Variants in TRIM59 observed in about 807,000 individuals in gnomAD.
TRIM59 encodes tripartite motif-containing protein 59.
TRIM59 carries 14 observed loss-of-function variants against 32.2 expected under a neutral mutation model. The ratio of observed to expected loss-of-function variants is 0.43; its 90% CI spans 0.29 to 0.68. The LOEUF (loss-of-function observed/expected upper bound fraction) is 0.68. Ranked by LOEUF, TRIM59 falls within the 30% of genes least tolerant of loss-of-function variation. The pLI, the probability that TRIM59 is intolerant of heterozygous loss-of-function variation, is 0.15. For synonymous variants in TRIM59, 163 were observed against 155.1 expected, an observed-to-expected ratio of 1.05 and a Z score of -0.38; for missense variants, 471 against 463.3, an observed-to-expected ratio of 1.02 and a Z score of -0.15.
chr3:160,436,389 G>C lies in TRIM59; in HGVS notation c.*1583C>G, dbSNP rs1245058467. The C allele has an allele frequency of 1.0e-6, 1 of 986,124 alleles. No homozygotes were observed. The allele number at this position is 986,124 out of a possible 1,614,324, so 61.1% of individuals were successfully genotyped here. On this transcript the variant is annotated 3_prime_UTR_variant, in exon 3 of 3. Transcript: ENST00000309784. ...TGGAAAGCAAATCAACCTGCACTTAGAGTTGCATGGACAGTGGGCCAAAAG... is the reference window on the plus strand; with the variant it reads ...TGGAAAGCAAATCAACCTGCACTTACAGTTGCATGGACAGTGGGCCAAAAG...
Position 160,437,977 on chromosome 3 carries a change from G to T in TRIM59, c.1207C>A (p.His403Asn). 1 of 1,538,484 alleles carries T rather than the reference G, an allele frequency of 6.5e-7. No homozygotes were observed. Among genetic ancestry groups the T allele is most frequent in the South Asian group, 1.3e-5 (1 of 76,260 alleles). The change falls in exon 3 of 3, where the codon CAT (histidine) becomes AAT (asparagine). Residue 403 changes from histidine (H) to asparagine (N), a missense_variant. Physicochemically the swap from His to Asn is moderately conservative, Grantham distance 68. Coordinates refer to ENST00000309784, the MANE Select transcript of TRIM59 (RefSeq NM_173084.3). ...LKEFVWKIVS[H>N] ...AACAATTCAGGTTGACATTTTCAAT[G>T]GGAAACTATTTTCCACACAAATTCC...
intron 2 of TRIM59, among the ~76,000 whole-genome samples, chr3:160,446,058 C>A (rs536696430): frequency 3.3e-5 from 5 of 152,106 alleles, no homozygotes; most frequent in East Asian, 1.9e-4. Flanking sequence ...ATCCTTCCCC[C>A]CTCAGCCTCC....
Position 160,439,105 on chromosome 3 carries a change from G to A in TRIM59, c.79C>T (p.His27Tyr). 1 of 1,547,610 alleles carries A rather than the reference G, an allele frequency of 6.5e-7. No homozygotes were observed. The change falls in exon 3 of 3, where the codon CAT becomes TAT. Residue 27 changes from histidine to tyrosine, a missense_variant. Coordinates refer to ENST00000309784, the MANE Select transcript of TRIM59 (RefSeq NM_173084.3). ...FEDPRVLPCS[H>Y]TFCRNCLENI... ...TCCAAACAATTTCTACAAAATGTAT[G>A]AGAGCATGGCAGTACACGAGGATCT... is the stretch of plus-strand genomic sequence containing the variant.
chr3:160,441,872 C>CA (rs1719272775), intron 2 of TRIM59, among the ~76,000 whole-genome samples: 1 of 152,026 alleles, frequency 6.6e-6, no homozygotes, highest in Non-Finnish European at 1.5e-5. Flanking sequence ...GTAGAGCATT[C>CA]CAGCAAATTA....
In TRIM59 at chr3:160,442,516, C is replaced by T. The variant is rs1374136229; in HGVS notation, c.-3-3330G>A. ...TGAGGCATGAAATGGCGCAACTGCA[C>T]TCCAGCCAGGGCAACAGAGCAAGAC... On this transcript the variant is annotated intron_variant, in intron 2 of 2. Coordinates refer to ENST00000309784, the MANE Select transcript of TRIM59 (RefSeq NM_173084.3). 2.6e-5 allele frequency among the ~76,000 whole-genome samples: 4 copies of T among 151,132 alleles called. No homozygotes were observed. The East Asian group carries it at 7.8e-4, about 29-fold the overall frequency.
At chr3:160,443,670 G>A (rs1229386608) in intron 2 of TRIM59, among the ~76,000 whole-genome samples, 2 of 151,616 alleles carry the variant, frequency 1.3e-5, no homozygotes, top group African/African-American at 4.9e-5. Flanking sequence ...ACAGAGTCTC[G>A]CTCTGTCGCC....
chr3:160,435,928 A>C lies in TRIM59; in HGVS notation c.*2044T>G, dbSNP rs894281939. ...GGGGTTAAAAATATTCACATCACAG[A>C]AATGAGATTAAGTAGTTTAACACAT... On this transcript the variant is annotated 3_prime_UTR_variant, in exon 3 of 3. Transcript: ENST00000309784. 2 of 1,283,406 alleles carry C rather than the reference A, an allele frequency of 1.6e-6. No homozygotes were observed. The highest frequency in any genetic ancestry group is 3.0e-5 in the African/African-American group (2 of 65,700). 79.5% of individuals were successfully genotyped at this position (1,283,406 alleles called of 1,614,324 possible). A position where few individuals can be genotyped will look rare whatever the true frequency, so the allele number is the denominator to read the frequency against.
rs1718921580 is a variant in TRIM59, at chr3:160,435,990, C to T, written c.*1982G>A. ...TTTCATTGCTTACGTGTTTTTGAAA[C>T]TACAGGGCACTTTTATGGTGTGACT... On this transcript the variant is annotated 3_prime_UTR_variant, in exon 3 of 3. Transcript: ENST00000309784. 13 of 1,261,140 alleles carry T rather than the reference C, an allele frequency of 1.0e-5. No homozygotes were observed. The highest frequency in any genetic ancestry group is 1.2e-5 in the Non-Finnish European group (12 of 976,660). The allele number at this position is 1,261,140 out of a possible 1,614,324, so 78.1% of individuals were successfully genotyped here.
rs1719023755 is a variant in TRIM59, at chr3:160,437,222, GGTGT to G, written c.*746_*749del. The G allele has an allele frequency of 7.3e-6, 4 of 544,478 alleles. No individual in the cohort carries two copies. Among genetic ancestry groups the G allele is most frequent in the Non-Finnish European group, 9.4e-6 (4 of 427,788 alleles). 33.7% of individuals were successfully genotyped at this position (544,478 alleles called of 1,614,324 possible). On this transcript the variant is annotated 3_prime_UTR_variant, in exon 3 of 3. Transcript: ENST00000309784. ...ATTTTTTTAATTAGCCAGGCATGGGGGTGTGTGCCTTGTCCCAGCTGCTCCAGAG... is the reference window on the plus strand; with the variant it reads ...ATTTTTTTAATTAGCCAGGCATGGGGGTGCCTTGTCCCAGCTGCTCCAGAG...
chr3:160,438,090 G>C lies in TRIM59; in HGVS notation c.1094C>G (p.Ser365Cys). 6.2e-7 allele frequency: 1 copy of C among 1,612,684 alleles called. No individual in the cohort carries two copies. Among genetic ancestry groups the C allele is most frequent in the Non-Finnish European group, 8.5e-7 (1 of 1,179,606 alleles). The change falls in exon 3 of 3, where the codon TCT (serine) becomes TGT (cysteine). Residue 365 changes from serine to cysteine, a missense_variant. Coordinates refer to ENST00000309784, the MANE Select transcript of TRIM59 (RefSeq NM_173084.3). ...TTGGTAAACAGATAGAGAGGCTTCA[G>C]AAAACCATATTAAAGTGATTTCACT... is the stretch of plus-strand genomic sequence containing the variant. ...FLSEITLIWF[S>C]EASLSVYQSL...
chr3:160,438,716 G>C lies in TRIM59; in HGVS notation c.468C>G (p.His156Gln), dbSNP rs375510406. 1 of 1,614,004 alleles carries C rather than the reference G, an allele frequency of 6.2e-7. No individual in the cohort carries two copies. The highest frequency in any genetic ancestry group is 8.5e-7 in the Non-Finnish European group (1 of 1,179,986). ...QKLLEQLTDT[H>Q]WTDLTHLIEK... ...CAATAAGATGGGTAAGATCTGTCCA[G>C]TGTGTGTCAGTCAACTGTTCAAGCA... Residue 156 changes from histidine (H) to glutamine (Q), a missense_variant, in exon 3 of 3, where the codon CAC (histidine) becomes CAG (glutamine). Coordinates refer to ENST00000309784, the MANE Select transcript of TRIM59 (RefSeq NM_173084.3).
intron 2 of TRIM59, among the ~76,000 whole-genome samples, chr3:160,443,625 G>A (rs1719369498): frequency 6.6e-6 from 1 of 151,972 alleles, no homozygotes; most frequent in African/African-American, 2.4e-5. Flanking sequence ...AGAAGAGGAA[G>A]AAAGATCCAA....
At position 160,438,594 on chromosome 3, in the gene TRIM59, T is replaced by C. The variant is rs1719095102; in HGVS notation, c.590A>G (p.Glu197Gly). 1 of 1,612,310 alleles carries C rather than the reference T, an allele frequency of 6.2e-7. No homozygotes were observed. The highest frequency in any genetic ancestry group is 1.3e-5 in the African/African-American group (1 of 74,706). The change falls in exon 3 of 3, where the codon GAA becomes GGA. Residue 197 changes from glutamate (E) to glycine (G), a missense_variant. Coordinates refer to ENST00000309784, the MANE Select transcript of TRIM59 (RefSeq NM_173084.3). The stretch of plus-strand genomic sequence containing the variant: ...CGTTAGGAAACTTTTTTTTTTCTGT[T>C]CTAATGTATCATTAAGCTCCTTAAA... ...QYFKELNDTL[E>G]QKKKSFLTAL...
chr3:160,439,616 G>T (rs1169860946), intron 2 of TRIM59, among the ~76,000 whole-genome samples: 1 of 152,024 alleles, frequency 6.6e-6, no homozygotes, highest in East Asian at 1.9e-4. Flanking sequence ...GTAGTATCAC[G>T]AGATCTGATG....
At position 160,436,332 on chromosome 3, in the gene TRIM59, C is replaced by G. The variant is rs577650384; in HGVS notation, c.*1640G>C. On this transcript the variant is annotated 3_prime_UTR_variant, in exon 3 of 3. Coordinates refer to ENST00000309784, the MANE Select transcript of TRIM59 (RefSeq NM_173084.3). ...TTGATTTGATATAGGTAAGGCTCTT[C>G]GGTGATCCAAGAGCAGCCCCTTTGG... is the stretch of plus-strand genomic sequence containing the variant. 1.0e-6 allele frequency: 1 copy of G among 986,178 alleles called. No individual in the cohort carries two copies. Among genetic ancestry groups the G allele is most frequent in the Non-Finnish European group, 1.2e-6 (1 of 830,222 alleles). The allele number at this position is 986,178 out of a possible 1,614,324, so 61.1% of individuals were successfully genotyped here. A position where few individuals can be genotyped will look rare whatever the true frequency, so the allele number is the denominator to read the frequency against.
intron 2 of TRIM59, among the ~76,000 whole-genome samples, chr3:160,440,790 A>T (rs932594563): frequency 1.3e-5 from 2 of 152,174 alleles, no homozygotes; most frequent in African/African-American, 4.8e-5. Context: ...AAATGCGTGT[A>T]ATCCCAGCTA....
chr3:160,438,374 AG>A lies in TRIM59; in HGVS notation c.809del (p.Pro270LeufsTer12). 6.2e-7 allele frequency: 1 copy of A among 1,613,744 alleles called. No homozygotes were observed. Among genetic ancestry groups the A allele is most frequent in the Non-Finnish European group, 8.5e-7 (1 of 1,179,952 alleles). On this transcript the variant is annotated frameshift_variant, in exon 3 of 3. Transcript: ENST00000309784. LOFTEE classifies it high-confidence loss of function. ...HVQILKQRPL[P>X]EVQPVEIYPR... Reference sequence around the variant, plus strand: ...GATAAATTTCAACGGGTTGAACCTCAGGAAGTGGTCTTTGTTTCAAGATCTG... The same window carrying A: ...GATAAATTTCAACGGGTTGAACCTCAGAAGTGGTCTTTGTTTCAAGATCTG...
Position 160,438,183 on chromosome 3 carries a change from A to G in TRIM59, c.1001T>C (p.Val334Ala). The G allele has an allele frequency of 1.2e-6, 2 of 1,613,080 alleles. No individual in the cohort carries two copies. The highest frequency in any genetic ancestry group is 1.1e-5 in the South Asian group (1 of 90,834). ...CAGTATTACTGAAATTAATGTAACTACAACAATGTTTAAAATTTTTAAAAA... is the reference window on the plus strand; with the variant it reads ...CAGTATTACTGAAATTAATGTAACTGCAACAATGTTTAAAATTTTTAAAAA... ...VEFLKILNIV[V>A]VTLISVILMS... Residue 334 changes from valine to alanine, a missense_variant, in exon 3 of 3, where the codon GTA becomes GCA. Transcript: ENST00000309784.
intron 2 of TRIM59, among the ~76,000 whole-genome samples, chr3:160,444,222 A>G (rs990440044): frequency 6.6e-6 from 1 of 152,198 alleles, no homozygotes; most frequent in Non-Finnish European, 1.5e-5. Flanking sequence ...ATACTTAAAA[A>G]ATAACCCACA....
Sources: allele counts gnomAD v4.1 joint callset (sites outside exome capture counted in the v4.1 genomes callset), GRCh38; gene constraint gnomAD v4.1.1; transcripts MANE v1.5; gene names NCBI Gene and HGNC (gene_info 2026-07-23, HGNC 2026-07-21).